The following GALNT17 variants were observed in gnomAD, a reference collection of about 807,000 sequenced individuals.
The protein encoded by GALNT17 is polypeptide N-acetylgalactosaminyltransferase 17, also known as UDP-GalNAc:polypeptide N-acetylgalactosaminyltransferase-like 3.
GALNT17 carries 29 observed loss-of-function variants against 63.7 expected under a neutral mutation model. The ratio of observed to expected loss-of-function variants is 0.46; its 90% confidence interval spans 0.34 to 0.62. The LOEUF (loss-of-function observed/expected upper bound fraction) is 0.62. Among genes scored for constraint, GALNT17 ranks in the 20% least tolerant of loss-of-function variants. The pLI, the probability that GALNT17 is intolerant of heterozygous loss-of-function variation, is 0.01. For synonymous variants in GALNT17, 305 were observed against 318.3 expected, an observed-to-expected ratio of 0.96 and a Z score of 0.45; for missense variants, 603 against 799.6, an observed-to-expected ratio of 0.75 and a Z score of 2.97.
At chr7:71,165,244 C>T (rs1002559771) in intron 1 of GALNT17, among the ~76,000 whole-genome samples, 1 of 152,128 alleles carries the variant, frequency 6.6e-6, no homozygotes, top group Non-Finnish European at 1.5e-5. Context: ...CTTGAAGTAC[C>T]CAGGGTGGTT....
intron 1 of GALNT17, among the ~76,000 whole-genome samples, chr7:71,234,757 T>C (rs1245098741): frequency 6.6e-6 from 1 of 152,128 alleles, no homozygotes; most frequent in Non-Finnish European, 1.5e-5. Flanking sequence ...CCAGATGCGT[T>C]ATTTCCACTG....
intron 6 of GALNT17, among the ~76,000 whole-genome samples, chr7:71,614,881 AAGGGAGGGAGGGAGGG>A (rs557178612): frequency 8.0e-5 from 10 of 125,506 alleles, no homozygotes; most frequent in Middle Eastern, 3.8e-3. Flanking sequence ...ACAGGGAGGG[AAGGGAGGGAGGGAGGG>A]AGGGAGGGAG....
At chr7:71,446,237 A>G (rs1787158473) in intron 5 of GALNT17, among the ~76,000 whole-genome samples, 1 of 152,332 alleles carries the variant, frequency 6.6e-6, no homozygotes, top group South Asian at 2.1e-4. Flanking sequence ...TTTAAAAATT[A>G]TAGTGTAAAA....
At chr7:71,533,931 C>G (rs907912736) in intron 5 of GALNT17, among the ~76,000 whole-genome samples, 27 of 152,150 alleles carry the variant, frequency 1.8e-4, no homozygotes, top group African/African-American at 6.3e-4. Context: ...AGGGGTCTGG[C>G]GTCTCTTTAA....
intron 9 of GALNT17, among the ~76,000 whole-genome samples, chr7:71,686,640 G>A (rs958349876): frequency 1.1e-4 from 17 of 151,542 alleles, no homozygotes; most frequent in African/African-American, 2.7e-4. Context: ...TCCGCCCACC[G>A]CTGCCTCCCA....
chr7:71,685,821 G>A lies in GALNT17; in HGVS notation c.1500+8515G>A, dbSNP rs549943182. The stretch of plus-strand genomic sequence containing the variant: ...GTGATCATATGTCCCTATCTGCCCA[G>A]GACAGACGCTGTTTAGGCCTAGTGT... On this transcript the variant is annotated intron_variant, in intron 9 of 10. Transcript: ENST00000333538. 4 of 151,876 alleles carry A rather than the reference G, an allele frequency of 2.6e-5. No individual in the cohort carries two copies. In the South Asian group the frequency reaches 8.3e-4, roughly 32 times the overall value. The allele number at this position is 151,876 out of a possible 1,614,324, so 9.4% of individuals were successfully genotyped here. A position where few individuals can be genotyped will look rare whatever the true frequency, so the allele number is the denominator to read the frequency against.
chr7:71,558,695 C>T (rs1789205036), intron 5 of GALNT17, among the ~76,000 whole-genome samples: 1 of 152,160 alleles, frequency 6.6e-6, no homozygotes, highest in Non-Finnish European at 1.5e-5. Flanking sequence ...CAAAAACACT[C>T]TTCCAAGGCT....
At chr7:71,210,931 C>T (rs1789363643) in intron 1 of GALNT17, among the ~76,000 whole-genome samples, 1 of 152,196 alleles carries the variant, frequency 6.6e-6, no homozygotes, top group South Asian at 2.1e-4. Context: ...ATATTTAAGA[C>T]TCACAGTGCT....
At chr7:71,160,247 A>G (rs1788317473) in intron 1 of GALNT17, among the ~76,000 whole-genome samples, 1 of 152,218 alleles carries the variant, frequency 6.6e-6, no homozygotes, top group Non-Finnish European at 1.5e-5. Context: ...ATACTCATGT[A>G]TAAACACTTG....
At chr7:71,521,988 C>CA (rs1324013003) in intron 5 of GALNT17, among the ~76,000 whole-genome samples, 4 of 152,060 alleles carry the variant, frequency 2.6e-5, no homozygotes, top group African/African-American at 9.7e-5. Context: ...TTTTTACAAA[C>CA]AAAAATATCA....
intron 5 of GALNT17, among the ~76,000 whole-genome samples, chr7:71,429,708 A>G (rs1786824756): frequency 6.6e-6 from 1 of 152,154 alleles, no homozygotes; most frequent in South Asian, 2.1e-4. Context: ...ATGCACAGGT[A>G]ATTTTTAAAT....
chr7:71,278,132 C>T (rs181599972), intron 1 of GALNT17, among the ~76,000 whole-genome samples: 1 of 152,310 alleles, frequency 6.6e-6, no homozygotes, highest in East Asian at 1.9e-4. Context: ...AAAGAGGTCA[C>T]TGTGTGTCAG....
At chr7:71,346,561 G>A (rs1160868614) in intron 2 of GALNT17, among the ~76,000 whole-genome samples, 1 of 152,142 alleles carries the variant, frequency 6.6e-6, no homozygotes, top group East Asian at 1.9e-4. Context: ...GCTAGTAAGT[G>A]CAGGGACCTG....
Position 71,181,818 on chromosome 7 carries a change from A to G in GALNT17, c.238+48778A>G, listed in dbSNP as rs139007894. On this transcript the variant is annotated intron_variant, in intron 1 of 10. Transcript: ENST00000333538. ...CTTGAACCCAGGAGTTGAAGGCTAC[A>G]GTGATCTGTGATGGCACCATTGCAC... Among the ~76,000 whole-genome samples, 505 of 152,028 alleles carry G rather than the reference A, an allele frequency of 3.3e-3. 2 individuals carry two copies. Among genetic ancestry groups the G allele is most frequent in the African/African-American group, 0.012 (484 of 41,438 alleles).
rs1790971347 is a variant in GALNT17 at position 71,665,488 on chromosome 7, TA to T, written c.1160del (p.Asn387IlefsTer29). 1 of 1,613,724 alleles carries T rather than the reference TA, an allele frequency of 6.2e-7. No homozygotes were observed. The highest frequency in any genetic ancestry group is 8.5e-7 in the Non-Finnish European group (1 of 1,180,012). On this transcript the variant is annotated frameshift_variant, in exon 7 of 11. Transcript: ENST00000333538. LOFTEE classifies it high-confidence loss of function. ...ACATTGAGCGGAAGAAGAAGCCATA[TA>T]ATAGCAACATTGGCTTCTACACCAA... ...AHIERKKKPY[N>X]SNIGFYTKRN...
chr7:71,429,313 T>C (rs1182761702), intron 5 of GALNT17, among the ~76,000 whole-genome samples: 2 of 152,030 alleles, frequency 1.3e-5, no homozygotes, highest in African/African-American at 4.8e-5. Context: ...GGTTTGGTCT[T>C]GAATGGTAGG....
chr7:71,210,608 G>A (rs994306543), intron 1 of GALNT17, among the ~76,000 whole-genome samples: 1 of 152,128 alleles, frequency 6.6e-6, no homozygotes, highest in Non-Finnish European at 1.5e-5. Context: ...ACACCATATT[G>A]GTAAAGCCTA....
chr7:71,560,378 C>T (rs1332432787), intron 5 of GALNT17, among the ~76,000 whole-genome samples: 1 of 152,008 alleles, frequency 6.6e-6, no homozygotes, highest in Non-Finnish European at 1.5e-5. Context: ...AAACAGGATC[C>T]ATTTGCTTGG....
At chr7:71,513,366 TTTTTTTTGTTTTTTTG>T (rs967765002) in intron 5 of GALNT17, among the ~76,000 whole-genome samples, 5 of 151,544 alleles carry the variant, frequency 3.3e-5, no homozygotes, top group South Asian at 4.2e-4. Context: ...CCCTTGGTGT[TTTTTTTTGTTTTTTTG>T]TTTTTTTGTT....
Sources: gnomAD v4.1 joint callset for allele counts (sites outside exome capture counted in the v4.1 genomes callset) on GRCh38, gnomAD v4.1.1 for gene constraint, MANE v1.5 for transcripts, NCBI Gene and HGNC (gene_info 2026-07-23, HGNC 2026-07-21) for gene names.